Variants in TM9SF4 observed in about 807,000 individuals in gnomAD.
TM9SF4 encodes the protein transmembrane 9 superfamily member 4.
In TM9SF4, 26 loss-of-function variants were observed where a neutral mutation model predicts 90.4. The ratio of observed to expected loss-of-function variants is 0.29; its 90% confidence interval spans 0.21 to 0.40. TM9SF4 has a LOEUF of 0.40. Among genes scored for constraint, TM9SF4 ranks in the 10% least tolerant of loss-of-function variants. The pLI is 1.00. For synonymous variants in TM9SF4, 293 were observed against 315.4 expected (o/e 0.93, Z 0.75); for missense variants, 549 against 834.8 (o/e 0.66, Z 4.22).
Position 32,157,827 on chromosome 20 carries a change from A to G in TM9SF4, c.1363A>G (p.Met455Val). The change falls in exon 14 of 18, where the codon ATG (methionine) becomes GTG (valine). Residue 455 changes from methionine (M) to valine (V), a missense_variant. Transcript: ENST00000398022. ...TCCCACCATGGTGGCTCTGCTGTGCATGTGGTTCGGGATCTCCCTGCCCCT... is the reference window on the plus strand; with the variant it reads ...TCCCACCATGGTGGCTCTGCTGTGCGTGTGGTTCGGGATCTCCCTGCCCCT... ...PFPTMVALLC[M>V]WFGISLPLVY... is the part of the protein sequence containing the mutation. 1.2e-6 allele frequency: 2 copies of G among 1,614,162 alleles called. No homozygotes were observed. The highest frequency in any genetic ancestry group is 8.5e-7 in the Non-Finnish European group (1 of 1,180,024).
At chr20:32,123,866 A>ATATATATATATTTTT in intron 1 of TM9SF4, among the ~76,000 whole-genome samples, 6 of 93,934 alleles carry the variant, frequency 6.4e-5, no homozygotes, top group Admixed American at 3.6e-4. Context: ...ATATATATAT[A>ATATATATATATTTTT]TTTTTTTTTT....
chr20:32,127,823 A>C (rs1381748336), intron 1 of TM9SF4, among the ~76,000 whole-genome samples: 1 of 152,204 alleles, frequency 6.6e-6, no homozygotes, highest in Non-Finnish European at 1.5e-5. Context: ...GTAGAACTGC[A>C]GTAACTGCTT....
At position 32,143,054 on chromosome 20, in the gene TM9SF4, A is replaced by ACGTAC; in HGVS notation, c.605_609dup (p.Val204ThrfsTer8). On this transcript the variant is annotated frameshift_variant, in exon 6 of 18. Coordinates refer to ENST00000398022, the MANE Select transcript of TM9SF4 (RefSeq NM_014742.4). LOFTEE classifies it high-confidence loss of function. ...GGACATGGAAGAGGACCAGGAGCAC[A>ACGTAC]CGTACCGTGTCGTCCGCTTCGAGGT... is the stretch of plus-strand genomic sequence containing the variant. The ACGTAC allele has an allele frequency of 6.2e-7, 1 of 1,613,992 alleles. No homozygotes were observed. Among genetic ancestry groups the ACGTAC allele is most frequent in the Non-Finnish European group, 8.5e-7 (1 of 1,179,908 alleles).
At chr20:32,158,088 A>G (rs2046957011) in intron 14 of TM9SF4, 119 bp downstream of exon 14, 1 of 1,357,440 alleles carries the variant, frequency 7.4e-7, no homozygotes, top group Non-Finnish European at 1.0e-6. Flanking sequence ...AATAGAGTTT[A>G]TGAAAGCTTA....
chr20:32,150,018 C>T lies in TM9SF4; in HGVS notation c.1087+252C>T, dbSNP rs896559779. Among the ~76,000 whole-genome samples, 10 of 152,198 alleles carry T rather than the reference C, an allele frequency of 6.6e-5. No homozygotes were observed. In the East Asian group the frequency reaches 1.5e-3, roughly 23 times the overall value. On this transcript the variant is annotated intron_variant, in intron 10 of 17. Transcript: ENST00000398022. ...CTCCTCCATCAATGAGGCAACACAT[C>T]ATTGCTGTGAGCTTGGCCTCCTTTT...
At chr20:32,123,542 A>T (rs1164889460) in intron 1 of TM9SF4, among the ~76,000 whole-genome samples, 5 of 151,036 alleles carry the variant, frequency 3.3e-5, no homozygotes, top group Admixed American at 1.3e-4. Flanking sequence ...TCAGTTTCTA[A>T]GTGTCCTTGT....
chr20:32,113,480 C>T (rs956219571), intron 1 of TM9SF4, among the ~76,000 whole-genome samples: 1 of 152,114 alleles, frequency 6.6e-6, no homozygotes, highest in African/African-American at 2.4e-5. Flanking sequence ...GATGCGGGCT[C>T]ATGTCTCACT....
chr20:32,113,427 A>G (rs2046175814), intron 1 of TM9SF4, among the ~76,000 whole-genome samples: 1 of 152,190 alleles, frequency 6.6e-6, no homozygotes, highest in Non-Finnish European at 1.5e-5. Context: ...ACTACTCTGT[A>G]AAGTTACAGG....
chr20:32,159,716 A>G, intron 15 of TM9SF4: 5 of 459,840 alleles, frequency 1.1e-5, no homozygotes, highest in Non-Finnish European at 7.9e-6. Context: ...TGGCTGCTCT[A>G]TAATTTTGAT....
chr20:32,123,866 A>ATATATATATATTTTTTTTTTTTT, intron 1 of TM9SF4, among the ~76,000 whole-genome samples: 75 of 93,914 alleles, frequency 8.0e-4, no homozygotes, highest in East Asian at 2.9e-3. Flanking sequence ...ATATATATAT[A>ATATATATATATTTTTTTTTTTTT]TTTTTTTTTT....
intron 1 of TM9SF4, among the ~76,000 whole-genome samples, chr20:32,131,938 C>T (rs1225238826): frequency 6.6e-6 from 1 of 152,106 alleles, no homozygotes; most frequent in Non-Finnish European, 1.5e-5. Flanking sequence ...GGGGGACATG[C>T]AATACGCAAA....
At chr20:32,153,639 G>T (rs182604976) in intron 12 of TM9SF4, among the ~76,000 whole-genome samples, 226 of 152,300 alleles carry the variant, frequency 1.5e-3, no homozygotes, top group Non-Finnish European at 1.6e-3. Context: ...TCCTAATCAG[G>T]CAGGTGAGGT....
intron 1 of TM9SF4, among the ~76,000 whole-genome samples, chr20:32,123,733 A>C (rs908717252): frequency 2.7e-5 from 4 of 149,990 alleles, no homozygotes; most frequent in Non-Finnish European, 4.4e-5. Context: ...TTAAAAGCAT[A>C]TCCATATTTT....
intron 1 of TM9SF4, among the ~76,000 whole-genome samples, chr20:32,128,672 A>G (rs910321560): frequency 6.6e-6 from 1 of 152,188 alleles, no homozygotes; most frequent in African/African-American, 2.4e-5. Flanking sequence ...AAGCAAGGAC[A>G]TGCAGTATTT....
chr20:32,160,949 C>CA (rs34767421), intron 16 of TM9SF4: 603 of 41,682 alleles, frequency 0.014, 67 homozygotes, highest in African/African-American at 0.032. Flanking sequence ...GACTCCATCT[C>CA]AAAAAAAAAA....
chr20:32,159,832 C>T (rs1352931355), intron 15 of TM9SF4, 160 bp from the exon 16 acceptor site: 3 of 999,558 alleles, frequency 3.0e-6, no homozygotes, highest in East Asian at 5.0e-5. Flanking sequence ...TGTGGCTCAC[C>T]CCCTGCTCTG....
intron 12 of TM9SF4, among the ~76,000 whole-genome samples, chr20:32,153,043 G>T (rs1479776063): frequency 6.6e-6 from 1 of 152,182 alleles, no homozygotes; most frequent in Admixed American, 6.5e-5. Context: ...GCCGGGCCTT[G>T]AGGAGGATTT....
At chr20:32,136,956 A>T (rs1377359379) in intron 3 of TM9SF4, 1 of 470,930 alleles carries the variant, frequency 2.1e-6, no homozygotes, top group Non-Finnish European at 4.4e-6. Flanking sequence ...CATGGCTCAG[A>T]TGTTTCTGGA....
chr20:32,123,866 A>ATATATATATTTT lies in TM9SF4; in HGVS notation c.16-9146_16-9145insATATATATTTTT. On this transcript the variant is annotated intron_variant, in intron 1 of 17. Coordinates refer to ENST00000398022, the MANE Select transcript of TM9SF4 (RefSeq NM_014742.4). Reference sequence around the variant, plus strand: ...CTCTCATATATATATATATATATATATTTTTTTTTTTAAAGAGATAGGGTC... The same window carrying ATATATATATTTT: ...CTCTCATATATATATATATATATATATATATATATTTTTTTTTTTTTTTAAAGAGATAGGGTC... Among the ~76,000 whole-genome samples, 83 of 93,944 alleles carry ATATATATATTTT rather than the reference A, an allele frequency of 8.8e-4. 3 individuals are homozygous for ATATATATATTTT. Among genetic ancestry groups the ATATATATATTTT allele is most frequent in the African/African-American group, 3.6e-3 (79 of 21,972 alleles). The allele number at this position is 93,944 out of a possible 152,430, so 61.6% of individuals were successfully genotyped here. A position where few individuals can be genotyped will look rare whatever the true frequency, so the allele number is the denominator to read the frequency against.
Sources: gnomAD v4.1 joint callset for allele counts (sites outside exome capture counted in the v4.1 genomes callset) on GRCh38, gnomAD v4.1.1 for gene constraint, MANE v1.5 for transcripts, NCBI Gene and HGNC (gene_info 2026-07-23, HGNC 2026-07-21) for gene names.